Variants in SPTA1 observed in about 807,000 individuals in gnomAD.
The protein encoded by SPTA1 is spectrin alpha, erythrocytic 1, also known as spectrin alpha chain, erythrocytic 1.
A neutral mutation model predicts 324.7 loss-of-function variants in SPTA1; 177 were observed. The observed-to-expected ratio is 0.55, with a 90% CI of 0.48 to 0.62. SPTA1 has a LOEUF of 0.62. Among genes scored for constraint, SPTA1 ranks in the 20% least tolerant of loss-of-function variants. The probability of loss-of-function intolerance (pLI) is 0.00; values close to 1 mark genes in which losing one functional copy is unlikely to be tolerated. For synonymous variants in SPTA1, 1,195 were observed against 1,041.3 expected, an observed-to-expected ratio of 1.15 and a Z score of -2.84; for missense variants, 3,162 against 2,883.6, an observed-to-expected ratio of 1.10 and a Z score of -2.21.
At chr1:158,660,246 G>T (rs1324624787) in intron 18 of SPTA1, among the ~76,000 whole-genome samples, 1 of 152,072 alleles carries the variant, frequency 6.6e-6, no homozygotes, top group Non-Finnish European at 1.5e-5. Flanking sequence ...AGATTGAATA[G>T]AATAAAAACA....
chr1:158,613,904 T>C, intron 49 of SPTA1, 37 bp from the exon 50 acceptor site: 2 of 1,601,920 alleles, frequency 1.2e-6, no homozygotes, highest in Non-Finnish European at 1.7e-6. Context: ...TTTATCAAGC[T>C]CAATAGAAAA....
intron 51 of SPTA1, 104 bp downstream of exon 51, chr1:158,612,713 A>C: frequency 7.3e-7 from 1 of 1,378,824 alleles, no homozygotes; most frequent in Non-Finnish European, 1.0e-6. Flanking sequence ...GTCTGAAAAA[A>C]AAAAACAAGT....
rs752380355 is a variant in SPTA1 at position 158,685,310 on chromosome 1, G to C, written c.62C>G (p.Ala21Gly). The C allele has an allele frequency of 6.2e-7, 1 of 1,613,648 alleles. No individual in the cohort carries two copies. Among genetic ancestry groups the C allele is most frequent in the African/African-American group, 1.3e-5 (1 of 74,976 alleles). Reference sequence around the variant, plus strand: ...CTGACGCCTCTCCTGGATCTCTTCTGCTGTTTCCAAAACCTTTGGCCCACT... The same window carrying C: ...CTGACGCCTCTCCTGGATCTCTTCTCCTGTTTCCAAAACCTTTGGCCCACT... ...ESSGPKVLET[A>G]EEIQERRQEV... The change falls in exon 2 of 52, where the codon GCA becomes GGA. Residue 21 changes from alanine (A) to glycine (G), a missense_variant. By Grantham distance (60) the Ala-to-Gly change is moderately conservative. Transcript: ENST00000643759.
At chr1:158,615,501 G>A in intron 47 of SPTA1, 98 bp from the exon 48 acceptor site, 1 of 1,227,882 alleles carries the variant, frequency 8.1e-7, no homozygotes, top group South Asian at 1.2e-5. Context: ...TTTATTTTCA[G>A]GAATCTTCTT....
At chr1:158,664,994 T>C (rs1283234645) in intron 16 of SPTA1, among the ~76,000 whole-genome samples, 6 of 152,218 alleles carry the variant, frequency 3.9e-5, no homozygotes, top group Non-Finnish European at 8.8e-5. Flanking sequence ...CTAGAAGATA[T>C]TGAAGATCTT....
In SPTA1 at chr1:158,677,741, C is replaced by CT; in HGVS notation, c.905_906insA (p.Phe303ValfsTer8). The CT allele has an allele frequency of 6.2e-7, 1 of 1,613,684 alleles. No individual in the cohort carries two copies. Among genetic ancestry groups the CT allele is most frequent in the South Asian group, 1.1e-5 (1 of 91,072 alleles). On this transcript the variant is annotated frameshift_variant, in exon 7 of 52. Transcript: ENST00000643759. LOFTEE classifies it high-confidence loss of function. ...TCTCAAGTCCCTTGTGACTGTGAAA[C>CT]AGTCCTTCAGAGGCAACAAGGTCTT...
At chr1:158,659,399 T>A (rs1653041683) in intron 18 of SPTA1, among the ~76,000 whole-genome samples, 1 of 151,904 alleles carries the variant, frequency 6.6e-6, no homozygotes, top group South Asian at 2.1e-4. Context: ...CAAAATATCT[T>A]TTGCTTATAT....
chr1:158,636,299 C>T (rs1290453062), intron 37 of SPTA1, among the ~76,000 whole-genome samples: 1 of 152,170 alleles, frequency 6.6e-6, no homozygotes, highest in Non-Finnish European at 1.5e-5. Context: ...TTCATGGTCA[C>T]AGAGTGACCC....
At chr1:158,647,308 A>T (rs1652068166) in intron 27 of SPTA1, among the ~76,000 whole-genome samples, 1 of 152,244 alleles carries the variant, frequency 6.6e-6, no homozygotes, top group South Asian at 2.1e-4. Context: ...AGAACAAAAA[A>T]GCTTCTACAT....
At chr1:158,620,071 T>C in intron 44 of SPTA1, 99 bp downstream of exon 44, 1 of 1,428,284 alleles carries the variant, frequency 7.0e-7, no homozygotes, top group Non-Finnish European at 9.9e-7. Context: ...AGTATAGTTA[T>C]TAATAGTGTT....
At chr1:158,627,118 T>A in intron 40 of SPTA1, 111 bp from the exon 41 acceptor site, 11 of 1,400,094 alleles carry the variant, frequency 7.9e-6, no homozygotes, top group Non-Finnish European at 9.0e-6. Context: ...TATAACCAAG[T>A]GTGACCGTCT....
chr1:158,620,667 T>G (rs1252022884), intron 43 of SPTA1: 1 of 575,642 alleles, frequency 1.7e-6, no homozygotes, highest in Non-Finnish European at 3.0e-6. Context: ...TTCTGGCATT[T>G]TCTCATTGTG....
intron 44 of SPTA1, 47 bp from the exon 45 acceptor site, chr1:158,619,381 C>T (rs748418231): frequency 6.3e-7 from 1 of 1,584,590 alleles, no homozygotes; most frequent in South Asian, 1.1e-5. Context: ...GAAGGCCTTT[C>T]TTTGCCATAA....
chr1:158,611,307 C>A lies in SPTA1; in HGVS notation c.7217G>T (p.Gly2406Val). The change falls in exon 52 of 52, where the codon GGC becomes GTC. Residue 2406 changes from glycine (G) to valine (V), a missense_variant. By Grantham distance (109) the Gly-to-Val change is moderately radical. Transcript: ENST00000643759. ...MDPRGRSHLS[G>V]YDYVGFTNSY... ...ATTGGTGAAGCCAACGTAGTCATAG[C>A]CAGAGAGATGGCTTCGACCCCGTGG... 6.2e-7 allele frequency: 1 copy of A among 1,613,812 alleles called. No homozygotes were observed. The highest frequency in any genetic ancestry group is 8.5e-7 in the Non-Finnish European group (1 of 1,179,824).
chr1:158,667,378 C>G lies in SPTA1; in HGVS notation c.2038+480G>C, dbSNP rs1653683779. Among the ~76,000 whole-genome samples the G allele has an allele frequency of 2.0e-5, 3 of 152,290 alleles. No homozygotes were observed. In the Middle Eastern group the frequency reaches 0.01, roughly 518 times the overall value. On this transcript the variant is annotated intron_variant, in intron 15 of 51. Transcript: ENST00000643759. ...TAAGATCTTATAGCAAGCCTAAACACTTTCAAATAGGTTTAAAAAGATCAA... is the reference window on the plus strand; with the variant it reads ...TAAGATCTTATAGCAAGCCTAAACAGTTTCAAATAGGTTTAAAAAGATCAA...
At chr1:158,614,475 G>A in intron 48 of SPTA1, 169 bp from the exon 49 acceptor site, 1 of 609,702 alleles carries the variant, frequency 1.6e-6, no homozygotes, top group Admixed American at 3.0e-5. Flanking sequence ...GCTGCCACCT[G>A]CTTTTGTACA....
intron 4 of SPTA1, among the ~76,000 whole-genome samples, chr1:158,681,024 T>G (rs1005901719): frequency 1.3e-5 from 2 of 152,188 alleles, no homozygotes; most frequent in African/African-American, 4.8e-5. Flanking sequence ...TTCATCCTGT[T>G]TCTACTCAAT....
chr1:158,669,663 G>A, intron 13 of SPTA1, 46 bp downstream of exon 13: 1 of 1,613,900 alleles, frequency 6.2e-7, no homozygotes, highest in Non-Finnish European at 8.5e-7. Context: ...AACTCTTCTT[G>A]ATTCTAGTGT....
Position 158,636,909 on chromosome 1 carries a change from T to G in SPTA1, c.5190-148A>C. 2.1e-6 allele frequency: 3 copies of G among 1,397,234 alleles called. No homozygotes were observed. The East Asian group carries it at 7.0e-5, about 33-fold the overall frequency. The allele number at this position is 1,397,234 out of a possible 1,614,324, so 86.6% of individuals were successfully genotyped here. A position where few individuals can be genotyped will look rare whatever the true frequency, so the allele number is the denominator to read the frequency against. On this transcript the variant is annotated intron_variant, in intron 36 of 51. Transcript: ENST00000643759. ...ACCCTGGTGCCAATGACCAAAAATA[T>G]AATTAGTGGAAGAGGCTTGCAGCAA...
Sources: gnomAD v4.1 joint callset for allele counts (sites outside exome capture counted in the v4.1 genomes callset) on GRCh38, gnomAD v4.1.1 for gene constraint, MANE v1.5 for transcripts, NCBI Gene and HGNC (gene_info 2026-07-23, HGNC 2026-07-21) for gene names.